Variants in MYOM2 observed in about 807,000 individuals in gnomAD.
MYOM2 encodes myomesin 2.
A neutral mutation model predicts 187.6 loss-of-function variants in MYOM2; 254 were observed. The observed-to-expected ratio is 1.35, with a 90% CI of 1.22 to 1.50. The LOEUF is 1.50. Among genes scored for constraint, MYOM2 ranks in the 40% most tolerant of loss-of-function variants. The pLI is 0.00. For synonymous variants in MYOM2, 981 were observed against 753.8 expected, an observed-to-expected ratio of 1.30 and a Z score of -4.94; for missense variants, 2,796 against 1,924.0, an observed-to-expected ratio of 1.45 and a Z score of -8.48.
intron 27 of MYOM2, among the ~76,000 whole-genome samples, chr8:2,117,304 GAAT>G (rs1356288524): frequency 6.6e-6 from 1 of 152,074 alleles, no homozygotes; most frequent in Non-Finnish European, 1.5e-5. Flanking sequence ...TTTTTGCATT[GAAT>G]GGCAAAAGGG....
intron 3 of MYOM2, 26 bp from the exon 4 acceptor site, chr8:2,057,322 C>G (rs1818699059): frequency 1.3e-6 from 2 of 1,585,484 alleles, no homozygotes; most frequent in East Asian, 2.2e-5. Context: ...ACTCCTGCAA[C>G]TGAGGCTGCT....
intron 34 of MYOM2, among the ~76,000 whole-genome samples, chr8:2,141,485 T>G (rs1031417040): frequency 6.6e-6 from 1 of 152,190 alleles, no homozygotes; most frequent in East Asian, 1.9e-4. Context: ...GACAGGTTTA[T>G]TTTGGAGAAT....
rs985794730 is a variant in MYOM2, at chr8:2,097,208, T to G, written c.2313+774T>G. The G allele has an allele frequency of 5.7e-6, 3 of 530,516 alleles. No individual in the cohort carries two copies. In the African/African-American group the frequency reaches 6.2e-5, roughly 11 times the overall value. 32.9% of individuals were successfully genotyped at this position (530,516 alleles called of 1,614,324 possible). The stretch of plus-strand genomic sequence containing the variant: ...AATTCTGCCTTATAAATCTATCTCT[T>G]TATAATATATGTTAATATTTTATAC... On this transcript the variant is annotated intron_variant, in intron 18 of 36. Coordinates refer to ENST00000262113, the MANE Select transcript of MYOM2 (RefSeq NM_003970.4).
chr8:2,109,367 T>C (rs757792593), intron 24 of MYOM2, 28 bp from the exon 25 acceptor site: 1 of 1,581,912 alleles, frequency 6.3e-7, no homozygotes, highest in Non-Finnish European at 8.6e-7. Context: ...CATGCATTAT[T>C]GACTTGCGAT....
intron 21 of MYOM2, among the ~76,000 whole-genome samples, chr8:2,103,785 T>C (rs1796800919): frequency 6.6e-6 from 1 of 151,926 alleles, no homozygotes; most frequent in Admixed American, 6.6e-5. Context: ...TATGTGTTTA[T>C]GTGTATGTAT....
At chr8:2,089,315 A>T (rs1033163605) in intron 14 of MYOM2, among the ~76,000 whole-genome samples, 3 of 102,652 alleles carry the variant, frequency 2.9e-5, no homozygotes, top group African/African-American at 9.6e-5. Context: ...ATGGAATGCA[A>T]TTAAAATGAG....
rs779927131 is a variant in MYOM2, at chr8:2,129,107, G to A, written c.3695-20G>A. ...CAGGCACTCCTTTTCCTAGATCTGA[G>A]GATGTTTTATTTTCTGCAGGGAAAT... On this transcript the variant is annotated intron_variant, in intron 31 of 36. Transcript: ENST00000262113. 4 of 1,572,652 alleles carry A rather than the reference G, an allele frequency of 2.5e-6. No homozygotes were observed. The highest frequency in any genetic ancestry group is 2.6e-6 in the Non-Finnish European group (3 of 1,143,890).
intron 8 of MYOM2, among the ~76,000 whole-genome samples, chr8:2,070,000 C>T (rs560478238): frequency 1.3e-5 from 2 of 152,264 alleles, no homozygotes; most frequent in African/African-American, 4.8e-5. Context: ...AGGCTTTGGT[C>T]CAGAGACCCG....
intron 13 of MYOM2, among the ~76,000 whole-genome samples, chr8:2,084,274 TG>T (rs1252969545): frequency 6.6e-6 from 1 of 152,240 alleles, no homozygotes; most frequent in Non-Finnish European, 1.5e-5. Context: ...CTTACCAGAA[TG>T]AGCCCAGCTC....
chr8:2,095,219 A>AT (rs531198293), intron 17 of MYOM2, among the ~76,000 whole-genome samples: 3 of 150,496 alleles, frequency 2.0e-5, no homozygotes, highest in Non-Finnish European at 4.4e-5. Context: ...TCTCCTCTCA[A>AT]TTTTTTCCAG....
Position 2,055,862 on chromosome 8 carries a change from T to C in MYOM2, c.264-1486T>C, listed in dbSNP as rs143762084. Among the ~76,000 whole-genome samples the C allele has an allele frequency of 2.0e-3, 299 of 152,272 alleles. 2 individuals carry two copies. Among genetic ancestry groups the C allele is most frequent in the African/African-American group, 7.0e-3 (290 of 41,562 alleles). On this transcript the variant is annotated intron_variant, in intron 3 of 36. Transcript: ENST00000262113. Reference sequence around the variant, plus strand: ...ATGCTACGGTCCCCTCCAGCTCCGATACCGGGACTTTCTGTGCGATGTGGC... The same window carrying C: ...ATGCTACGGTCCCCTCCAGCTCCGACACCGGGACTTTCTGTGCGATGTGGC...
rs7460985 is a variant in MYOM2 at position 2,097,078 on chromosome 8, T to A, written c.2313+644T>A. On this transcript the variant is annotated intron_variant, in intron 18 of 36. Transcript: ENST00000262113. ...CTCACACTACAGCTCCCGTCCGGACTGTGGGGAGCCACAGACCTCAGGGGA... is the reference window on the plus strand; with the variant it reads ...CTCACACTACAGCTCCCGTCCGGACAGTGGGGAGCCACAGACCTCAGGGGA... The A allele has an allele frequency of 1.6e-4, 151 of 970,734 alleles. No individual in the cohort carries two copies. The African/African-American group carries it at 2.4e-3, about 16-fold the overall frequency. The allele number at this position is 970,734 out of a possible 1,614,324, so 60.1% of individuals were successfully genotyped here.
intron 10 of MYOM2, among the ~76,000 whole-genome samples, chr8:2,074,349 T>G (rs1819340711): frequency 6.6e-6 from 1 of 152,104 alleles, no homozygotes; most frequent in African/African-American, 2.4e-5. Flanking sequence ...AAGCTCAGAT[T>G]TAAATTTTGC....
chr8:2,065,052 A>G (rs1818971466), intron 6 of MYOM2, among the ~76,000 whole-genome samples: 1 of 152,270 alleles, frequency 6.6e-6, no homozygotes, highest in Non-Finnish European at 1.5e-5. Flanking sequence ...CTAATATATA[A>G]GATTAACATT....
At position 2,091,812 on chromosome 8, in the gene MYOM2, C is replaced by G. The variant is rs76795909; in HGVS notation, c.1829-534C>G. 2.6e-5 allele frequency among the ~76,000 whole-genome samples: 4 copies of G among 152,258 alleles called. No individual in the cohort carries two copies. In the East Asian group the frequency reaches 7.7e-4, roughly 29 times the overall value. On this transcript the variant is annotated intron_variant, in intron 15 of 36. Coordinates refer to ENST00000262113, the MANE Select transcript of MYOM2 (RefSeq NM_003970.4). ...CTGAGACACACTGTGGGGTGTGTGG[C>G]CCAGGTGGCCGGCACGGAGGACACA... is the stretch of plus-strand genomic sequence containing the variant.
chr8:2,079,073 A>C (rs2235118), intron 12 of MYOM2, 140 bp downstream of exon 12: 120,198 of 740,670 alleles, frequency 0.16, 11,360 homozygotes, highest in East Asian at 0.36. Context: ...GGCTGTTACA[A>C]CGTTCTCTGA....
rs935207136 is a variant in MYOM2, at chr8:2,131,635, A to T, written c.3800+2403A>T. Among the ~76,000 whole-genome samples the T allele has an allele frequency of 1.4e-4, 19 of 136,636 alleles. No individual in the cohort carries two copies. The East Asian group carries it at 2.1e-3, about 15-fold the overall frequency. 89.6% of individuals were successfully genotyped at this position (136,636 alleles called of 152,430 possible). On this transcript the variant is annotated intron_variant, in intron 32 of 36. Coordinates refer to ENST00000262113, the MANE Select transcript of MYOM2 (RefSeq NM_003970.4). The stretch of plus-strand genomic sequence containing the variant: ...AAATTCATTATACAACAAAACAGGC[A>T]TTTCTTTCTTTTTTTTTTTTTTTTT...
chr8:2,073,550 G>A, intron 10 of MYOM2, 50 bp downstream of exon 10: 1 of 1,535,178 alleles, frequency 6.5e-7, no homozygotes, highest in Non-Finnish European at 8.7e-7. Context: ...TGCCCGGGGA[G>A]GGGAGGCAGC....
At chr8:2,123,843 T>G (rs1237565325) in intron 30 of MYOM2, among the ~76,000 whole-genome samples, 1 of 152,248 alleles carries the variant, frequency 6.6e-6, no homozygotes, top group African/African-American at 2.4e-5. Flanking sequence ...ATGATATTAC[T>G]CTGGGTTTAT....
Sources: gnomAD v4.1 joint callset for allele counts (sites outside exome capture counted in the v4.1 genomes callset) on GRCh38, gnomAD v4.1.1 for gene constraint, MANE v1.5 for transcripts, NCBI Gene and HGNC (gene_info 2026-07-23, HGNC 2026-07-21) for gene names.